CNTNAP5: variants seen among roughly 807,000 people sequenced by gnomAD.
CNTNAP5 encodes the protein contactin-associated protein-like 5.
In CNTNAP5, 72 loss-of-function variants were observed where a neutral mutation model predicts 150.2. The ratio of observed to expected loss-of-function variants is 0.48; its 90% CI spans 0.40 to 0.58. CNTNAP5 has a LOEUF of 0.58. Ranked by LOEUF, CNTNAP5 falls within the 20% of genes least tolerant of loss-of-function variation. CNTNAP5 has a pLI of 0.00. For missense variants in CNTNAP5, 1,636 were observed against 1,626.2 expected (o/e 1.01, Z -0.10); for synonymous variants, 672 against 619.8 (o/e 1.08, Z -1.25).
At chr2:124,542,877 C>T (rs998002955) in intron 10 of CNTNAP5, among the ~76,000 whole-genome samples, 2 of 151,936 alleles carry the variant, frequency 1.3e-5, no homozygotes, top group African/African-American at 4.8e-5. Context: ...GGATAAACTG[C>T]ATATGAAGCT....
chr2:124,442,893 G>T (rs1007293981), intron 5 of CNTNAP5, among the ~76,000 whole-genome samples: 23 of 152,234 alleles, frequency 1.5e-4, no homozygotes, highest in African/African-American at 5.5e-4. Context: ...TAAAATTTCA[G>T]AAATGCACTT....
intron 11 of CNTNAP5, among the ~76,000 whole-genome samples, chr2:124,574,199 G>T (rs889520686): frequency 1.3e-5 from 2 of 152,086 alleles, no homozygotes; most frequent in African/African-American, 2.4e-5. Flanking sequence ...GTTGCGGGGG[G>T]GACGGGGGAT....
Position 124,693,040 on chromosome 2 carries a change from C to A in CNTNAP5, c.2077+45082C>A, listed in dbSNP as rs189706021. On this transcript the variant is annotated intron_variant, in intron 13 of 23. Coordinates refer to ENST00000682447, the MANE Select transcript of CNTNAP5 (RefSeq NM_001367498.1). Reference sequence around the variant, plus strand: ...CTGGTAAATTCTGAAATTTTTTTACCCACAAATTTCAGTTAATAGAAAGGT... The same window carrying A: ...CTGGTAAATTCTGAAATTTTTTTACACACAAATTTCAGTTAATAGAAAGGT... Among the ~76,000 whole-genome samples the A allele has an allele frequency of 2.5e-3, 383 of 151,958 alleles. 1 individual carries two copies. Among genetic ancestry groups the A allele is most frequent in the African/African-American group, 8.9e-3 (369 of 41,462 alleles).
At chr2:124,389,298 C>T (rs1691050578) in intron 3 of CNTNAP5, among the ~76,000 whole-genome samples, 1 of 152,066 alleles carries the variant, frequency 6.6e-6, no homozygotes. Flanking sequence ...ATTCACTGTC[C>T]TTTTTTCCAA....
At chr2:124,398,480 C>CTTTATTTATTTATTTATTTATTTA (rs71394036) in intron 3 of CNTNAP5, among the ~76,000 whole-genome samples, 7 of 147,888 alleles carry the variant, frequency 4.7e-5, no homozygotes. Context: ...GAAATTTTTA[C>CTTTATTTATTTATTTATTTATTTA]TTTATTTATT....
At chr2:124,899,388 G>A (rs116790843) in intron 21 of CNTNAP5, among the ~76,000 whole-genome samples, 47 of 151,456 alleles carry the variant, frequency 3.1e-4, no homozygotes, top group African/African-American at 1.1e-3. Flanking sequence ...TCAGCAGCTC[G>A]TGCTGTTTTT....
intron 22 of CNTNAP5, among the ~76,000 whole-genome samples, chr2:124,909,824 GACATATATATATATATAT>G (rs1157963858): frequency 3.4e-5 from 1 of 29,202 alleles, no homozygotes; most frequent in African/African-American, 9.6e-5. Flanking sequence ...ATCAATTGGT[GACATATATATATATATAT>G]ATATATATAT....
chr2:124,713,349 T>C (rs1212915618), intron 13 of CNTNAP5, among the ~76,000 whole-genome samples: 30 of 135,428 alleles, frequency 2.2e-4, no homozygotes, highest in African/African-American at 6.9e-4. Context: ...CTTTCTTTCT[T>C]TCTTTCTTTC....
At chr2:124,347,240 AG>A (rs1689758675) in intron 3 of CNTNAP5, among the ~76,000 whole-genome samples, 1 of 152,220 alleles carries the variant, frequency 6.6e-6, no homozygotes. Context: ...GTCCTGAGGC[AG>A]CCCCCTCTCA....
At chr2:124,755,513 ATG>A (rs1680820892) in intron 14 of CNTNAP5, among the ~76,000 whole-genome samples, 1 of 152,158 alleles carries the variant, frequency 6.6e-6, no homozygotes, top group Non-Finnish European at 1.5e-5. Flanking sequence ...TTGGCCAAGT[ATG>A]TCTGAAGGGG....
At chr2:124,238,455 A>G (rs1686806363) in intron 2 of CNTNAP5, among the ~76,000 whole-genome samples, 1 of 152,172 alleles carries the variant, frequency 6.6e-6, no homozygotes, top group Admixed American at 6.5e-5. Flanking sequence ...GGCTTGGAGT[A>G]TGCTAGAAAT....
chr2:124,546,928 A>G (rs1695525358), intron 10 of CNTNAP5, among the ~76,000 whole-genome samples: 1 of 152,160 alleles, frequency 6.6e-6, no homozygotes, highest in Non-Finnish European at 1.5e-5. Context: ...ATAAGCTAGC[A>G]CCAAGTCCAG....
chr2:124,674,385 TTTG>T (rs1490633295), intron 13 of CNTNAP5, among the ~76,000 whole-genome samples: 3 of 107,316 alleles, frequency 2.8e-5, no homozygotes, highest in Non-Finnish European at 5.4e-5. Flanking sequence ...CCCTCCCTCC[TTTG>T]TTCTTTCTTT....
At chr2:124,543,135 C>T (rs1573448206) in intron 10 of CNTNAP5, among the ~76,000 whole-genome samples, 3 of 152,168 alleles carry the variant, frequency 2.0e-5, no homozygotes, top group East Asian at 1.9e-4. Context: ...TCATCATTCA[C>T]GTGGTGTTAA....
chr2:124,905,105 AGTTTTTTTTT>A (rs1187587972), intron 22 of CNTNAP5, among the ~76,000 whole-genome samples: 94 of 142,062 alleles, frequency 6.6e-4, no homozygotes, highest in South Asian at 6.6e-3. Flanking sequence ...GGATGTGAAT[AGTTTTTTTTT>A]GTTTTTTTTT....
chr2:124,881,028 T>C (rs1020611), intron 21 of CNTNAP5, among the ~76,000 whole-genome samples: 6,550 of 152,148 alleles, frequency 0.043, 182 homozygotes, highest in South Asian at 0.098. Flanking sequence ...CTGAGAGGGT[T>C]TCATACATGC....
chr2:124,555,335 A>G (rs1472433325), intron 10 of CNTNAP5, among the ~76,000 whole-genome samples: 1 of 152,190 alleles, frequency 6.6e-6, no homozygotes, highest in African/African-American at 2.4e-5. Flanking sequence ...TAAGTGATGA[A>G]GATTTGAGGC....
At chr2:124,857,725 G>A (rs979865604) in intron 19 of CNTNAP5, among the ~76,000 whole-genome samples, 3 of 151,884 alleles carry the variant, frequency 2.0e-5, no homozygotes, top group African/African-American at 7.3e-5. Context: ...CTGCAATAAG[G>A]AGGCTGAGGC....
At chr2:124,251,761 T>A (rs1215196436) in intron 3 of CNTNAP5, among the ~76,000 whole-genome samples, 1 of 152,168 alleles carries the variant, frequency 6.6e-6, no homozygotes, top group African/African-American at 2.4e-5. Flanking sequence ...AGTGCTATGA[T>A]TTTTTTCTCC....
Sources: gnomAD v4.1 joint callset for allele counts (sites outside exome capture counted in the v4.1 genomes callset) on GRCh38, gnomAD v4.1.1 for gene constraint, MANE v1.5 for transcripts, NCBI Gene and HGNC (gene_info 2026-07-23, HGNC 2026-07-21) for gene names.